ACAP2: variants seen among roughly 807,000 people sequenced by gnomAD.
The protein encoded by ACAP2 is ArfGAP with coiled-coil, ankyrin repeat and PH domains 2.
ACAP2 carries 39 observed loss-of-function variants against 115.8 expected under a neutral mutation model. The ratio of observed to expected loss-of-function variants is 0.34; its 90% confidence interval spans 0.26 to 0.44. ACAP2 has a LOEUF of 0.44. ACAP2 is among the 20% of genes least tolerant of loss of function. The pLI is 1.00. For synonymous variants in ACAP2, 289 were observed against 315.8 expected (o/e 0.92, Z 0.90); for missense variants, 662 against 927.6 (o/e 0.71, Z 3.72).
intron 13 of ACAP2, among the ~76,000 whole-genome samples, chr3:195,304,162 TC>T (rs1728256737): frequency 4.2e-5 from 1 of 23,602 alleles, no homozygotes; most frequent in African/African-American, 1.8e-4. Context: ...AGACTCCATC[TC>T]AAAAAAAAAA....
At chr3:195,359,285 C>T (rs1002888972) in intron 4 of ACAP2, among the ~76,000 whole-genome samples, 16 of 152,080 alleles carry the variant, frequency 1.1e-4, no homozygotes, top group African/African-American at 3.6e-4. Context: ...AAGACAAACA[C>T]GGAATACTAT....
chr3:195,407,203 A>G (rs911825298), intron 1 of ACAP2, among the ~76,000 whole-genome samples: 1 of 75,330 alleles, frequency 1.3e-5, no homozygotes, highest in African/African-American at 5.5e-5. Flanking sequence ...TTTAGTTTAA[A>G]AAAAAAAAAA....
At chr3:195,420,603 A>G (rs535475271) in intron 1 of ACAP2, among the ~76,000 whole-genome samples, 1 of 151,776 alleles carries the variant, frequency 6.6e-6, no homozygotes, top group Admixed American at 6.6e-5. Context: ...TCGGCCTCCC[A>G]AAGTGCTGGA....
chr3:195,404,692 T>C (rs1196417864), intron 1 of ACAP2, among the ~76,000 whole-genome samples: 2 of 139,068 alleles, frequency 1.4e-5, no homozygotes, highest in Admixed American at 7.1e-5. Context: ...TTTATATACA[T>C]ACACACATAT....
chr3:195,301,894 A>C, intron 14 of ACAP2, 72 bp downstream of exon 14: 1 of 1,522,836 alleles, frequency 6.6e-7, no homozygotes, highest in Non-Finnish European at 9.0e-7. Flanking sequence ...AGGGCAACTA[A>C]CAAGTGAAAC....
At chr3:195,423,414 G>A (rs1560355919) in intron 1 of ACAP2, among the ~76,000 whole-genome samples, 1 of 152,078 alleles carries the variant, frequency 6.6e-6, no homozygotes, top group Non-Finnish European at 1.5e-5. Flanking sequence ...TCTAAGGTCA[G>A]GAGTTCCAGA....
At chr3:195,335,189 C>G (rs1470531256) in intron 7 of ACAP2, among the ~76,000 whole-genome samples, 1 of 152,076 alleles carries the variant, frequency 6.6e-6, no homozygotes, top group African/African-American at 2.4e-5. Flanking sequence ...CATACTGTCT[C>G]TCTCATTATA....
chr3:195,340,498 G>T (rs1360430223), intron 6 of ACAP2, among the ~76,000 whole-genome samples: 4 of 151,970 alleles, frequency 2.6e-5, no homozygotes, highest in Non-Finnish European at 1.5e-5. Context: ...AGTAAGAAAA[G>T]AAAAGAATAA....
intron 4 of ACAP2, among the ~76,000 whole-genome samples, chr3:195,347,171 T>A (rs890959963): frequency 1.3e-5 from 2 of 152,180 alleles, no homozygotes; most frequent in African/African-American, 4.8e-5. Flanking sequence ...TATTAAACAA[T>A]AGATTTTTAA....
At chr3:195,284,174 A>G (rs1267371272) in intron 22 of ACAP2, among the ~76,000 whole-genome samples, 1 of 152,174 alleles carries the variant, frequency 6.6e-6, no homozygotes, top group Non-Finnish European at 1.5e-5. Context: ...CTAACCAAAC[A>G]CTGAAGTTAA....
At chr3:195,395,270 T>C (rs936372716) in intron 1 of ACAP2, among the ~76,000 whole-genome samples, 19 of 152,082 alleles carry the variant, frequency 1.2e-4, no homozygotes, top group Admixed American at 1.1e-3. Context: ...AATCAAGTTA[T>C]ATACACATTA....
chr3:195,413,011 C>G, intron 1 of ACAP2: 1 of 319,188 alleles, frequency 3.1e-6, no homozygotes, highest in East Asian at 8.0e-5. Flanking sequence ...TAAGAGGACA[C>G]AGAGTAACAG....
At chr3:195,384,421 T>C (rs1336906633) in intron 2 of ACAP2, among the ~76,000 whole-genome samples, 3 of 152,184 alleles carry the variant, frequency 2.0e-5, no homozygotes, top group Non-Finnish European at 2.9e-5. Context: ...AATACTTTTA[T>C]ATACTTAGAA....
intron 6 of ACAP2, among the ~76,000 whole-genome samples, chr3:195,340,138 G>C (rs2108644571): frequency 6.6e-6 from 1 of 151,368 alleles, no homozygotes; most frequent in South Asian, 2.1e-4. Context: ...TAATACTCCA[G>C]ACAAGAAACA....
intron 1 of ACAP2, among the ~76,000 whole-genome samples, chr3:195,427,198 G>A (rs1236863514): frequency 6.6e-6 from 1 of 152,136 alleles, no homozygotes; most frequent in African/African-American, 2.4e-5. Context: ...ATTGGAGAAG[G>A]CAAGGTATAA....
At chr3:195,325,746 A>ATT (rs1729753029) in intron 9 of ACAP2, among the ~76,000 whole-genome samples, 1 of 152,120 alleles carries the variant, frequency 6.6e-6, no homozygotes. Flanking sequence ...ATTGGTCCCA[A>ATT]TTTTTAGCAA....
intron 1 of ACAP2, chr3:195,412,814 G>T: frequency 7.1e-6 from 3 of 425,392 alleles, no homozygotes; most frequent in Admixed American, 2.6e-5. Flanking sequence ...TGTGTTTTTT[G>T]TTTCCTCATA....
rs1348139435 is a variant in ACAP2, at chr3:195,289,245, C to A, written c.2064-14G>T. 3.2e-6 allele frequency: 5 copies of A among 1,574,972 alleles called. No individual in the cohort carries two copies. The highest frequency in any genetic ancestry group is 3.5e-6 in the Non-Finnish European group (4 of 1,156,146). On this transcript the variant is annotated splice_polypyrimidine_tract_variant and intron_variant, in intron 20 of 22. Coordinates refer to ENST00000326793, the MANE Select transcript of ACAP2 (RefSeq NM_012287.6). ...AAACATACCTGCCTGTTTAAGAACA[C>A]AGCATTTTTGAGATATTGTCGATAA...
intron 2 of ACAP2, among the ~76,000 whole-genome samples, chr3:195,384,165 A>C (rs931787722): frequency 6.6e-6 from 1 of 152,212 alleles, no homozygotes; most frequent in African/African-American, 2.4e-5. Context: ...GCCATATGAC[A>C]CATGTAAAGA....
Sources: gnomAD v4.1 joint callset for allele counts (sites outside exome capture counted in the v4.1 genomes callset) on GRCh38, gnomAD v4.1.1 for gene constraint, MANE v1.5 for transcripts, NCBI Gene and HGNC (gene_info 2026-07-23, HGNC 2026-07-21) for gene names.